The following CDH13 variants were observed in gnomAD, a reference collection of about 807,000 sequenced individuals.
CDH13 encodes the protein cadherin 13, also known as cadherin-13.
In CDH13, 24 loss-of-function variants were observed where a neutral mutation model predicts 63.8. The ratio of observed to expected loss-of-function variants is 0.38; its 90% CI spans 0.27 to 0.53. CDH13 has a LOEUF of 0.53. Ranked by LOEUF, CDH13 falls within the 20% of genes least tolerant of loss-of-function variation. CDH13 has a pLI of 0.85. For missense variants in CDH13, 1,049 were observed against 903.1 expected (o/e 1.16, Z -2.07); for synonymous variants, 503 against 355.3 (o/e 1.42, Z -4.67).
chr16:83,589,207 G>GTC (rs1265434426), intron 7 of CDH13, among the ~76,000 whole-genome samples: 2 of 151,626 alleles, frequency 1.3e-5, no homozygotes, highest in African/African-American at 2.4e-5. Context: ...ACAGTGTAAT[G>GTC]TCTCTCCTCG....
chr16:82,678,647 G>A (rs937628561), intron 1 of CDH13, among the ~76,000 whole-genome samples: 5 of 152,162 alleles, frequency 3.3e-5, no homozygotes, highest in African/African-American at 9.7e-5. Flanking sequence ...TTTCCTTGAA[G>A]CTAAGGGTAT....
chr16:83,478,064 G>T (rs1398410557), intron 6 of CDH13, among the ~76,000 whole-genome samples: 1 of 151,246 alleles, frequency 6.6e-6, no homozygotes, highest in Non-Finnish European at 1.5e-5. Flanking sequence ...GCTGCTTGAG[G>T]CAGAAGAATG....
At chr16:83,145,484 A>G (rs2036709770) in intron 4 of CDH13, among the ~76,000 whole-genome samples, 1 of 152,166 alleles carries the variant, frequency 6.6e-6, no homozygotes, top group African/African-American at 2.4e-5. Flanking sequence ...TAGCGATGAC[A>G]ATGCAGTCAT....
intron 10 of CDH13, among the ~76,000 whole-genome samples, chr16:83,724,247 G>C (rs753684419): frequency 1.1e-4 from 14 of 122,962 alleles, no homozygotes; most frequent in Non-Finnish European, 1.6e-4. Flanking sequence ...GGAATGCATG[G>C]GTGGATGATG....
chr16:83,317,732 G>A (rs1001632542), intron 5 of CDH13, among the ~76,000 whole-genome samples: 10 of 151,870 alleles, frequency 6.6e-5, no homozygotes, highest in Admixed American at 2.6e-4. Context: ...CCCGGGAGGC[G>A]GAGGTTGCAG....
chr16:82,694,865 C>A (rs995483205), intron 1 of CDH13, among the ~76,000 whole-genome samples: 2 of 152,012 alleles, frequency 1.3e-5, no homozygotes, highest in Non-Finnish European at 2.9e-5. Flanking sequence ...AGGAGGAGTG[C>A]CTATAAAGGA....
intron 4 of CDH13, among the ~76,000 whole-genome samples, chr16:83,186,865 A>C (rs1472144785): frequency 6.6e-6 from 1 of 152,224 alleles, no homozygotes; most frequent in African/African-American, 2.4e-5. Context: ...GCCCCCATTG[A>C]AGCAGGCAGC....
chr16:83,281,913 T>C lies in CDH13; in HGVS notation c.637-62949T>C, dbSNP rs531427332. 1.2e-4 allele frequency among the ~76,000 whole-genome samples: 19 copies of C among 152,204 alleles called. No individual in the cohort carries two copies. In the South Asian group the frequency reaches 2.7e-3, roughly 22 times the overall value. On this transcript the variant is annotated intron_variant, in intron 5 of 13. Transcript: ENST00000567109. ...CGGCAACAGAGCGGGACTCCGTTTC[T>C]AAATAAATAAATAAATAAAATTTTA... is the stretch of plus-strand genomic sequence containing the variant.
At chr16:82,969,123 A>G (rs1471828395) in intron 2 of CDH13, among the ~76,000 whole-genome samples, 5 of 152,186 alleles carry the variant, frequency 3.3e-5, no homozygotes, top group Non-Finnish European at 4.4e-5. Context: ...AAAAGAAATA[A>G]TAAACATTTT....
chr16:82,755,848 T>C (rs2034594149), intron 1 of CDH13, among the ~76,000 whole-genome samples: 1 of 152,174 alleles, frequency 6.6e-6, no homozygotes, highest in Admixed American at 6.5e-5. Flanking sequence ...TAAATATTCA[T>C]CATGTCAAAA....
chr16:82,967,749 T>C (rs1469140777), intron 2 of CDH13, among the ~76,000 whole-genome samples: 2 of 152,236 alleles, frequency 1.3e-5, no homozygotes, highest in Admixed American at 1.3e-4. Flanking sequence ...CACAGTGCTT[T>C]GTATCAGGCA....
chr16:83,635,385 C>G (rs1911169108), intron 8 of CDH13, among the ~76,000 whole-genome samples: 1 of 130,076 alleles, frequency 7.7e-6, no homozygotes, highest in South Asian at 2.6e-4. Flanking sequence ...ACTCTGTTGC[C>G]CAGGCTGGAG....
rs182421095 is a variant in CDH13, at chr16:82,838,161, C to A, written c.46-20201C>A. On this transcript the variant is annotated intron_variant, in intron 1 of 13. Coordinates refer to ENST00000567109, the MANE Select transcript of CDH13 (RefSeq NM_001257.5). ...TGAGTTCTCCATGACCAAGTCCTCA[C>A]CCTTTTCATTGCAGATGCTTGCGTG... Among the ~76,000 whole-genome samples the A allele has an allele frequency of 1.6e-4, 24 of 152,344 alleles. No homozygotes were observed. The East Asian group carries it at 3.5e-3, about 22-fold the overall frequency.
chr16:83,361,490 A>G (rs968203939), intron 6 of CDH13, among the ~76,000 whole-genome samples: 1 of 152,230 alleles, frequency 6.6e-6, no homozygotes, highest in Non-Finnish European at 1.5e-5. Flanking sequence ...GAACTTAGCC[A>G]TAAATTATTT....
At chr16:82,943,830 T>A (rs1051891277) in intron 2 of CDH13, among the ~76,000 whole-genome samples, 2 of 152,204 alleles carry the variant, frequency 1.3e-5, no homozygotes, top group Non-Finnish European at 2.9e-5. Flanking sequence ...AATAATGACT[T>A]AGTTTTCTTT....
intron 8 of CDH13, among the ~76,000 whole-genome samples, chr16:83,657,426 G>T (rs1402470783): frequency 6.6e-6 from 1 of 152,168 alleles, no homozygotes; most frequent in East Asian, 1.9e-4. Context: ...TCATGAGTAG[G>T]CAGAATCCCA....
intron 1 of CDH13, among the ~76,000 whole-genome samples, chr16:82,687,129 C>T (rs1915155625): frequency 6.6e-6 from 1 of 152,168 alleles, no homozygotes; most frequent in African/African-American, 2.4e-5. Flanking sequence ...TGCAGGTCAT[C>T]TGTTTACCTA....
rs5818433 is a variant in CDH13, at chr16:83,247,496, C to CTT, written c.636+30007_636+30008dup. Among the ~76,000 whole-genome samples the CTT allele has an allele frequency of 1.7e-3, 252 of 150,118 alleles. 1 individual carries two copies. Among genetic ancestry groups the CTT allele is most frequent in the Non-Finnish European group, 2.4e-3 (164 of 67,482 alleles). ...GAGGATGAAGCCCATGCTGTCACCA[C>CTT]TTTTTTTTTAATTAACAGTGTCTGT... On this transcript the variant is annotated intron_variant, in intron 5 of 13. Transcript: ENST00000567109.
chr16:82,796,446 C>T (rs960524606), intron 1 of CDH13, among the ~76,000 whole-genome samples: 2 of 152,158 alleles, frequency 1.3e-5, no homozygotes, highest in African/African-American at 4.8e-5. Flanking sequence ...TGTTCTGGGC[C>T]ATGCACTCTA....
Sources: allele counts gnomAD v4.1 joint callset (sites outside exome capture counted in the v4.1 genomes callset), GRCh38; gene constraint gnomAD v4.1.1; transcripts MANE v1.5; gene names NCBI Gene and HGNC (gene_info 2026-07-23, HGNC 2026-07-21).